The following KCNMB2 variants were observed in gnomAD, a reference collection of about 807,000 sequenced individuals.
The protein encoded by KCNMB2 is calcium-activated potassium channel subunit beta-2.
In KCNMB2, 9 loss-of-function variants were observed where a neutral mutation model predicts 24.5. The observed-to-expected ratio is 0.37, with a 90% CI of 0.22 to 0.64. The LOEUF (loss-of-function observed/expected upper bound fraction) is 0.64, where lower values mean the gene tolerates loss of function less well. Among genes scored for constraint, KCNMB2 ranks in the 30% least tolerant of loss-of-function variants. The probability of loss-of-function intolerance (pLI) is 0.63; values close to 1 mark genes in which losing one functional copy is unlikely to be tolerated. For synonymous variants in KCNMB2, 109 were observed against 104.4 expected, an observed-to-expected ratio of 1.04 and a Z score of -0.27; for missense variants, 226 against 284.3, an observed-to-expected ratio of 0.79 and a Z score of 1.47.
chr3:178,566,640 T>C (rs963376142), intron 1 of KCNMB2, among the ~76,000 whole-genome samples: 2 of 149,764 alleles, frequency 1.3e-5, no homozygotes, highest in African/African-American at 5.0e-5. Context: ...AGGAATAACA[T>C]ATTAATTTAA....
At chr3:178,717,052 TAAA>T (rs559096276) in intron 1 of KCNMB2, among the ~76,000 whole-genome samples, 1 of 135,418 alleles carries the variant, frequency 7.4e-6, no homozygotes. Context: ...TTCAGCAACT[TAAA>T]AAAAAAAAAA....
chr3:178,571,487 CTT>C (rs1239573754), intron 1 of KCNMB2, among the ~76,000 whole-genome samples: 1 of 73,186 alleles, frequency 1.4e-5, no homozygotes, highest in Non-Finnish European at 3.1e-5. Context: ...TATATATATA[CTT>C]TTTTCTGTTT....
At chr3:178,699,908 G>T (rs755467069) in intron 1 of KCNMB2, among the ~76,000 whole-genome samples, 10 of 152,178 alleles carry the variant, frequency 6.6e-5, no homozygotes, top group East Asian at 1.9e-4. Context: ...GGTTCTAGAG[G>T]CCTGTGGCAA....
chr3:178,839,960 A>G (rs1213409702), intron 4 of KCNMB2, among the ~76,000 whole-genome samples: 1 of 152,176 alleles, frequency 6.6e-6, no homozygotes, highest in Non-Finnish European at 1.5e-5. Context: ...TCATTCCAGC[A>G]TTAACTCAAA....
intron 1 of KCNMB2, among the ~76,000 whole-genome samples, chr3:178,635,760 A>AAT (rs1719498388): frequency 6.6e-6 from 1 of 152,206 alleles, no homozygotes; most frequent in African/African-American, 2.4e-5. Context: ...CTATATGGTG[A>AAT]CATTTAAGAA....
chr3:178,697,252 G>T (rs1055430898), intron 1 of KCNMB2, among the ~76,000 whole-genome samples: 3 of 152,130 alleles, frequency 2.0e-5, no homozygotes, highest in African/African-American at 7.2e-5. Context: ...CTCTTTGAAG[G>T]TCTCTAAGAA....
chr3:178,665,605 A>G (rs1720690295), intron 1 of KCNMB2, among the ~76,000 whole-genome samples: 1 of 152,136 alleles, frequency 6.6e-6, no homozygotes, highest in Non-Finnish European at 1.5e-5. Flanking sequence ...AATGACTTTG[A>G]GATTAGGCAT....
At chr3:178,714,293 G>C (rs192484274) in intron 1 of KCNMB2, among the ~76,000 whole-genome samples, 5 of 152,284 alleles carry the variant, frequency 3.3e-5, no homozygotes, top group African/African-American at 9.6e-5. Context: ...CTAGACATAA[G>C]CTACACTTCT....
chr3:178,639,034 G>C (rs1265527781), intron 1 of KCNMB2, among the ~76,000 whole-genome samples: 1 of 152,046 alleles, frequency 6.6e-6, no homozygotes, highest in Non-Finnish European at 1.5e-5. Flanking sequence ...ACTCTTGTTT[G>C]TTTTATCGGT....
At chr3:178,554,131 T>C (rs886869051) in intron 1 of KCNMB2, among the ~76,000 whole-genome samples, 5 of 151,836 alleles carry the variant, frequency 3.3e-5, no homozygotes, top group African/African-American at 1.2e-4. Context: ...ATGAGGAAAA[T>C]GAGGCACAGA....
chr3:178,770,411 T>G (rs1015848815), intron 1 of KCNMB2, among the ~76,000 whole-genome samples: 1 of 152,236 alleles, frequency 6.6e-6, no homozygotes, highest in Admixed American at 6.5e-5. Flanking sequence ...ACCAAAATGC[T>G]GATCAAGAGG....
intron 1 of KCNMB2, among the ~76,000 whole-genome samples, chr3:178,668,201 TA>T (rs1483664323): frequency 6.6e-6 from 1 of 151,988 alleles, no homozygotes; most frequent in East Asian, 1.9e-4. Flanking sequence ...TATCACTTCA[TA>T]GGAGGAAGTG....
intron 1 of KCNMB2, among the ~76,000 whole-genome samples, chr3:178,654,800 T>C (rs1354426008): frequency 6.6e-6 from 1 of 152,158 alleles, no homozygotes; most frequent in Non-Finnish European, 1.5e-5. Context: ...TTGTTCTTAT[T>C]GAAAAATGGT....
chr3:178,599,423 A>G (rs1341612577), intron 1 of KCNMB2, among the ~76,000 whole-genome samples: 2 of 152,156 alleles, frequency 1.3e-5, no homozygotes, highest in Non-Finnish European at 2.9e-5. Context: ...AGCAGGAAAA[A>G]GAAAAAGTCA....
At chr3:178,677,568 C>T (rs953420737) in intron 1 of KCNMB2, among the ~76,000 whole-genome samples, 3 of 152,212 alleles carry the variant, frequency 2.0e-5, no homozygotes, top group African/African-American at 7.2e-5. Flanking sequence ...CCACCAGGAA[C>T]ATGTGTTTCA....
In KCNMB2 at chr3:178,537,620, A is replaced by C. The variant is rs1232918747; in HGVS notation, c.-68+909A>C. Among the ~76,000 whole-genome samples, 3 of 152,170 alleles carry C rather than the reference A, an allele frequency of 2.0e-5. No homozygotes were observed. In the South Asian group the frequency reaches 6.2e-4, roughly 32 times the overall value. On this transcript the variant is annotated intron_variant, in intron 1 of 4. Transcript: ENST00000452583. ...TCGGTATAGCACAATCAGAAAAGGA[A>C]ATGTCAGGAAATCACAGGCTGAGAT...
intron 1 of KCNMB2, among the ~76,000 whole-genome samples, chr3:178,602,871 A>G (rs567723736): frequency 8.5e-5 from 13 of 152,314 alleles, no homozygotes; most frequent in African/African-American, 3.1e-4. Flanking sequence ...AAGTTCCCAG[A>G]TGACACAGAT....
chr3:178,767,680 T>C (rs1163802814), intron 1 of KCNMB2, among the ~76,000 whole-genome samples: 1 of 152,212 alleles, frequency 6.6e-6, no homozygotes, highest in African/African-American at 2.4e-5. Flanking sequence ...AAACATCTTC[T>C]TTATTCATCT....
At chr3:178,817,522 T>A (rs1714457189) in intron 2 of KCNMB2, among the ~76,000 whole-genome samples, 1 of 152,092 alleles carries the variant, frequency 6.6e-6, no homozygotes, top group African/African-American at 2.4e-5. Flanking sequence ...ACAGGTGTGT[T>A]CTCGTGGGGC....
Sources: gnomAD v4.1 joint callset for allele counts (sites outside exome capture counted in the v4.1 genomes callset) on GRCh38, gnomAD v4.1.1 for gene constraint, MANE v1.5 for transcripts, NCBI Gene and HGNC (gene_info 2026-07-23, HGNC 2026-07-21) for gene names.